IGF1R: variants seen among roughly 807,000 people sequenced by gnomAD.
The protein encoded by IGF1R is insulin-like growth factor 1 receptor.
Under a neutral mutation model 144.6 loss-of-function variants are expected in IGF1R, and 44 were observed. The ratio of observed to expected loss-of-function variants is 0.30; its 90% CI spans 0.24 to 0.39. The LOEUF (loss-of-function observed/expected upper bound fraction) is 0.39. Ranked by LOEUF, IGF1R falls within the 10% of genes least tolerant of loss-of-function variation. The pLI, the probability that IGF1R is intolerant of heterozygous loss-of-function variation, is 1.00. For missense variants in IGF1R, 1,355 were observed against 1,833.7 expected, an observed-to-expected ratio of 0.74 and a Z score of 4.77; for synonymous variants, 795 against 722.8, an observed-to-expected ratio of 1.10 and a Z score of -1.60.
At chr15:98,822,290 T>G (rs1202647448) in intron 2 of IGF1R, among the ~76,000 whole-genome samples, 1 of 152,166 alleles carries the variant, frequency 6.6e-6, no homozygotes, top group Admixed American at 6.5e-5. Context: ...GAAGTTTTCC[T>G]GAGTGTGTAT....
At chr15:98,954,760 G>T (rs914953026) in intron 20 of IGF1R, among the ~76,000 whole-genome samples, 1 of 152,166 alleles carries the variant, frequency 6.6e-6, no homozygotes, top group Non-Finnish European at 1.5e-5. Flanking sequence ...ATTTCATGTC[G>T]TTATGGCCTA....
At chr15:98,715,983 G>C (rs1230083019) in intron 2 of IGF1R, among the ~76,000 whole-genome samples, 1 of 152,224 alleles carries the variant, frequency 6.6e-6, no homozygotes, top group African/African-American at 2.4e-5. Flanking sequence ...ATAAGAAGCT[G>C]CTTTCCTCGA....
At position 98,716,195 on chromosome 15, in the gene IGF1R, CTACCTG is replaced by C. The variant is rs536007935; in HGVS notation, c.640+8090_640+8095del. Among the ~76,000 whole-genome samples the C allele has an allele frequency of 5.6e-3, 854 of 152,266 alleles. 4 individuals are homozygous for C. The highest frequency in any genetic ancestry group is 0.01 in the Non-Finnish European group (681 of 68,028). On this transcript the variant is annotated intron_variant, in intron 2 of 20. Transcript: ENST00000650285. ...TTGAACTCGGGGGGCTTGCATCGGA[CTACCTG>C]TGCCGTTTCCTCAAACTCTAAAATT...
chr15:98,952,330 A>ACACACACACACACACACACT (rs1264640788), intron 20 of IGF1R, among the ~76,000 whole-genome samples: 1 of 151,200 alleles, frequency 6.6e-6, no homozygotes, highest in African/African-American at 2.4e-5. Flanking sequence ...ACACACACAC[A>ACACACACACACACACACACT]CTGCCCCTCA....
chr15:98,779,024 T>G (rs891748048), intron 2 of IGF1R, among the ~76,000 whole-genome samples: 9 of 152,228 alleles, frequency 5.9e-5, no homozygotes, highest in Non-Finnish European at 1.2e-4. Flanking sequence ...TAAATAAGAT[T>G]AAAAATTATG....
At chr15:98,945,967 A>C (rs907067029) in intron 19 of IGF1R, among the ~76,000 whole-genome samples, 4 of 151,478 alleles carry the variant, frequency 2.6e-5, no homozygotes, top group African/African-American at 9.7e-5. Context: ...CCTGTGGGTG[A>C]TGGTAAGGCT....
At chr15:98,913,430 C>G (rs971350315) in intron 8 of IGF1R, 148 bp downstream of exon 8, 1 of 769,284 alleles carries the variant, frequency 1.3e-6, no homozygotes, top group Non-Finnish European at 2.3e-6. Context: ...ATTCATTTCC[C>G]CACTGCTAAC....
intron 2 of IGF1R, among the ~76,000 whole-genome samples, chr15:98,748,260 G>A (rs1381208075): frequency 1.3e-5 from 2 of 152,152 alleles, no homozygotes; most frequent in African/African-American, 4.8e-5. Flanking sequence ...TCAAACACCT[G>A]GGTTCAAGGG....
chr15:98,897,687 C>T (rs2014270587), intron 4 of IGF1R, among the ~76,000 whole-genome samples: 1 of 152,224 alleles, frequency 6.6e-6, no homozygotes, highest in Non-Finnish European at 1.5e-5. Context: ...AACAATCCTT[C>T]TGCTCAGCCT....
chr15:98,888,467 T>G (rs1009800900), intron 2 of IGF1R, among the ~76,000 whole-genome samples: 102 of 84,514 alleles, frequency 1.2e-3, no homozygotes, highest in African/African-American at 3.8e-3. Context: ...GTGTGTGTGT[T>G]TACAGAAAAT....
At chr15:98,827,321 C>T (rs889545425) in intron 2 of IGF1R, among the ~76,000 whole-genome samples, 2 of 152,178 alleles carry the variant, frequency 1.3e-5, no homozygotes, top group South Asian at 2.1e-4. Context: ...CCTGTAACCT[C>T]GTTCACATGC....
Position 98,688,681 on chromosome 15 carries a change from G to A in IGF1R, c.95-18881G>A, listed in dbSNP as rs2053398943. 3.9e-5 allele frequency among the ~76,000 whole-genome samples: 6 copies of A among 151,964 alleles called. No homozygotes were observed. In the South Asian group the frequency reaches 1.2e-3, roughly 32 times the overall value. On this transcript the variant is annotated intron_variant, in intron 1 of 20. Transcript: ENST00000650285. ...ATTTTTTTTTTTAAATCTGTAAAAT[G>A]GTATCACAGATGCTTATAGCTCAAG...
chr15:98,769,342 G>T (rs982763554), intron 2 of IGF1R, among the ~76,000 whole-genome samples: 4 of 152,104 alleles, frequency 2.6e-5, no homozygotes, highest in African/African-American at 7.2e-5. Context: ...GCTCTAAGGG[G>T]TATAAGGTGT....
chr15:98,829,670 C>G (rs1336755896), intron 2 of IGF1R, among the ~76,000 whole-genome samples: 1 of 152,298 alleles, frequency 6.6e-6, no homozygotes, highest in East Asian at 1.9e-4. Context: ...AGGGCTCCTG[C>G]TGTTTGGGGA....
Position 98,819,860 on chromosome 15 carries a change from A to C in IGF1R, c.641-71465A>C, listed in dbSNP as rs539310066. Among the ~76,000 whole-genome samples the C allele has an allele frequency of 1.6e-3, 240 of 152,364 alleles. 2 individuals carry two copies. Among genetic ancestry groups the C allele is most frequent in the African/African-American group, 5.4e-3 (224 of 41,594 alleles). ...TTATGTGTTTAATCTCTGGCTTAACAGAAGGCAATTGGATGATCATACCTG... is the reference window on the plus strand; with the variant it reads ...TTATGTGTTTAATCTCTGGCTTAACCGAAGGCAATTGGATGATCATACCTG... On this transcript the variant is annotated intron_variant, in intron 2 of 20. Transcript: ENST00000650285.
chr15:98,696,192 C>G (rs892794199), intron 1 of IGF1R, among the ~76,000 whole-genome samples: 4 of 152,144 alleles, frequency 2.6e-5, no homozygotes, highest in Admixed American at 2.6e-4. Context: ...CAATTCCAAT[C>G]TGTTGATCTT....
chr15:98,911,399 A>G lies in IGF1R; in HGVS notation c.1547A>G (p.Asp516Gly), dbSNP rs1488252968. 3.7e-6 allele frequency: 6 copies of G among 1,614,054 alleles called. No individual in the cohort carries two copies. Among genetic ancestry groups the G allele is most frequent in the Non-Finnish European group, 4.2e-6 (5 of 1,180,026 alleles). ...IITWHRYRPP[D>G]YRDLISFTVY... is the part of the protein sequence containing the mutation. ...ACCTGGCACCGGTACCGGCCCCCTGACTACAGGGATCTCATCAGCTTCACC... is the reference window on the plus strand; with the variant it reads ...ACCTGGCACCGGTACCGGCCCCCTGGCTACAGGGATCTCATCAGCTTCACC... The change falls in exon 7 of 21, where the codon GAC becomes GGC. Residue 516 changes from aspartate to glycine, a missense_variant. Asp to Gly is a moderately conservative substitution (Grantham distance 94). Transcript: ENST00000650285.
At chr15:98,910,802 C>A (rs2715416) in intron 6 of IGF1R, among the ~76,000 whole-genome samples, 1 of 152,014 alleles carries the variant, frequency 6.6e-6, no homozygotes, top group Non-Finnish European at 1.5e-5. Context: ...AGTTTGATAC[C>A]AAGTTTAGAC....
intron 1 of IGF1R, among the ~76,000 whole-genome samples, chr15:98,657,863 G>A (rs1323127689): frequency 1.3e-5 from 2 of 152,098 alleles, no homozygotes; most frequent in Non-Finnish European, 2.9e-5. Flanking sequence ...GTTGCCTTTC[G>A]ATCTCACTGA....
Sources: allele counts gnomAD v4.1 joint callset (sites outside exome capture counted in the v4.1 genomes callset), GRCh38; gene constraint gnomAD v4.1.1; transcripts MANE v1.5; gene names NCBI Gene and HGNC (gene_info 2026-07-23, HGNC 2026-07-21).